The following PSTPIP2 variants were observed in gnomAD, a reference collection of about 807,000 sequenced individuals.
PSTPIP2 encodes proline-serine-threonine phosphatase-interacting protein 2.
In PSTPIP2, 33 loss-of-function variants were observed where a neutral mutation model predicts 63.3. That is an observed-to-expected ratio of 0.52 (90% CI 0.40 to 0.70). The LOEUF is 0.70. Among genes scored for constraint, PSTPIP2 ranks in the 30% least tolerant of loss-of-function variants. PSTPIP2 has a pLI of 0.00. For synonymous variants in PSTPIP2, 125 were observed against 132.7 expected (o/e 0.94, Z 0.40); for missense variants, 312 against 400.7 (o/e 0.78, Z 1.89).
chr18:46,011,026 T>C (rs1316678298), intron 5 of PSTPIP2, 155 bp downstream of exon 5: 1 of 649,378 alleles, frequency 1.5e-6, no homozygotes, highest in African/African-American at 1.8e-5. Flanking sequence ...CATATACCCA[T>C]CTGGACTGAG....
intron 1 of PSTPIP2, among the ~76,000 whole-genome samples, chr18:46,059,375 AG>A (rs1366305669): frequency 6.6e-6 from 1 of 152,046 alleles, no homozygotes; most frequent in Non-Finnish European, 1.5e-5. Flanking sequence ...CAGCCTACCA[AG>A]TAGCTAGGAT....
At chr18:45,995,192 G>T (rs190927542) in intron 9 of PSTPIP2, among the ~76,000 whole-genome samples, 1 of 152,204 alleles carries the variant, frequency 6.6e-6, no homozygotes, top group Non-Finnish European at 1.5e-5. Flanking sequence ...ATGGCTCACT[G>T]CAGCCTCAAA....
intron 9 of PSTPIP2, among the ~76,000 whole-genome samples, chr18:45,995,279 T>C (rs2051582542): frequency 1.3e-5 from 2 of 152,030 alleles, no homozygotes; most frequent in Admixed American, 1.3e-4. Context: ...TTTTTATATT[T>C]CTTTGTAGAG....
intron 3 of PSTPIP2, among the ~76,000 whole-genome samples, 180 bp downstream of exon 3, chr18:46,024,429 C>T (rs544477287): frequency 4.6e-5 from 7 of 152,090 alleles, no homozygotes; most frequent in African/African-American, 1.4e-4. Flanking sequence ...TGAGCCACTG[C>T]GCCTGACTGA....
intron 1 of PSTPIP2, among the ~76,000 whole-genome samples, chr18:46,062,529 CT>C (rs1027613015): frequency 7.1e-4 from 103 of 146,080 alleles, no homozygotes; most frequent in Non-Finnish European, 7.6e-4. Flanking sequence ...CAGTAAACCA[CT>C]TTTTTTTTTT....
intron 9 of PSTPIP2, among the ~76,000 whole-genome samples, chr18:45,994,419 A>G (rs1041233316): frequency 3.9e-5 from 6 of 152,156 alleles, no homozygotes; most frequent in Admixed American, 3.9e-4. Flanking sequence ...GGAGAAAAGG[A>G]TGGGGACAGG....
chr18:45,995,184 G>A (rs1411817292), intron 9 of PSTPIP2, among the ~76,000 whole-genome samples: 1 of 152,082 alleles, frequency 6.6e-6, no homozygotes, highest in African/African-American at 2.4e-5. Flanking sequence ...GTGCGCTCAT[G>A]GCTCACTGCA....
intron 1 of PSTPIP2, among the ~76,000 whole-genome samples, chr18:46,059,111 G>C (rs367578468): frequency 6.7e-6 from 1 of 150,192 alleles, no homozygotes; most frequent in Non-Finnish European, 1.5e-5. Flanking sequence ...ATCTTGGCTC[G>C]CTGCAACCTC....
At chr18:46,056,079 C>T (rs1051060151) in intron 1 of PSTPIP2, among the ~76,000 whole-genome samples, 4 of 152,206 alleles carry the variant, frequency 2.6e-5, no homozygotes, top group African/African-American at 9.7e-5. Flanking sequence ...TCTCTCTCTA[C>T]AGCAGAGATG....
In PSTPIP2 at chr18:46,063,758, A is replaced by G. The variant is rs1374920113; in HGVS notation, c.33+8398T>C. ...ATTACAAGAAAATAACCAAATGTGC[A>G]CTCTCCCTGGTGATAAAAACGCAAA... On this transcript the variant is annotated intron_variant, in intron 1 of 14. Coordinates refer to ENST00000409746, the MANE Select transcript of PSTPIP2 (RefSeq NM_024430.4). 3.9e-5 allele frequency among the ~76,000 whole-genome samples: 6 copies of G among 152,122 alleles called. No individual in the cohort carries two copies. The East Asian group carries it at 1.2e-3, about 29-fold the overall frequency.
chr18:46,045,520 G>A (rs1025704808), intron 1 of PSTPIP2, among the ~76,000 whole-genome samples: 2 of 152,092 alleles, frequency 1.3e-5, no homozygotes, highest in Admixed American at 1.3e-4. Flanking sequence ...GTGGGGTAGG[G>A]GGAGGGGGAA....
At chr18:46,066,786 T>G (rs1467641684) in intron 1 of PSTPIP2, among the ~76,000 whole-genome samples, 1 of 152,194 alleles carries the variant, frequency 6.6e-6, no homozygotes, top group Admixed American at 6.5e-5. Context: ...TCCCAGCACT[T>G]TGCCCAGGCG....
At chr18:46,053,734 A>C (rs933325754) in intron 1 of PSTPIP2, among the ~76,000 whole-genome samples, 3 of 152,248 alleles carry the variant, frequency 2.0e-5, no homozygotes, top group African/African-American at 7.2e-5. Flanking sequence ...ATCCTTCAAT[A>C]GGTGAGTGGA....
At chr18:46,062,839 G>T (rs1909039063) in intron 1 of PSTPIP2, among the ~76,000 whole-genome samples, 1 of 152,076 alleles carries the variant, frequency 6.6e-6, no homozygotes, top group Non-Finnish European at 1.5e-5. Flanking sequence ...TTAGCCTGAA[G>T]GAGAGTAGGT....
At chr18:46,049,077 G>A (rs894945826) in intron 1 of PSTPIP2, among the ~76,000 whole-genome samples, 2 of 151,430 alleles carry the variant, frequency 1.3e-5, no homozygotes, top group Non-Finnish European at 2.9e-5. Context: ...GAAGGAGAGA[G>A]AAAGGGACAG....
rs1205959047 is a variant in PSTPIP2, at chr18:46,049,007, CATGTGTGTGTGT to C, written c.34-8972_34-8961del. 5.7e-3 allele frequency among the ~76,000 whole-genome samples: 528 copies of C among 93,406 alleles called. 1 individual carries two copies. The highest frequency in any genetic ancestry group is 0.022 in the African/African-American group (497 of 22,474). 61.3% of individuals were successfully genotyped at this position (93,406 alleles called of 152,430 possible). On this transcript the variant is annotated intron_variant, in intron 1 of 14. Transcript: ENST00000409746. ...ACTTTCAAATGGTTCAGAAAAAAAG[CATGTGTGTGTGT>C]GTGTGTGTGTGTGTGTGTGTGTGTG...
At chr18:46,036,076 A>G (rs914037667) in intron 2 of PSTPIP2, among the ~76,000 whole-genome samples, 1 of 150,030 alleles carries the variant, frequency 6.7e-6, no homozygotes, top group Non-Finnish European at 1.5e-5. Flanking sequence ...TTACAGTATT[A>G]TTTAATTATT....
chr18:46,009,884 C>T (rs552683125), intron 5 of PSTPIP2, among the ~76,000 whole-genome samples: 1 of 152,298 alleles, frequency 6.6e-6, no homozygotes, highest in African/African-American at 2.4e-5. Flanking sequence ...GGGTTTAATA[C>T]ACATGCTATT....
chr18:46,041,801 C>T (rs772617221), intron 1 of PSTPIP2, among the ~76,000 whole-genome samples: 4 of 152,172 alleles, frequency 2.6e-5, no homozygotes, highest in Non-Finnish European at 5.9e-5. Flanking sequence ...GGTTGGTTAG[C>T]TGGCCTCTGG....
Sources: gnomAD v4.1 joint callset for allele counts (sites outside exome capture counted in the v4.1 genomes callset) on GRCh38, gnomAD v4.1.1 for gene constraint, MANE v1.5 for transcripts, NCBI Gene and HGNC (gene_info 2026-07-23, HGNC 2026-07-21) for gene names.